MGAT5: variants seen among roughly 807,000 people sequenced by gnomAD.
The protein encoded by MGAT5 is alpha-1,6-mannosylglycoprotein 6-beta-N-acetylglucosaminyltransferase.
MGAT5 carries 30 observed loss-of-function variants against 94.3 expected under a neutral mutation model. The observed-to-expected ratio is 0.32, with a 90% CI of 0.24 to 0.43. The LOEUF (loss-of-function observed/expected upper bound fraction) is 0.43. MGAT5 is among the 20% of genes least tolerant of loss of function. The probability of loss-of-function intolerance (pLI) is 1.00; values close to 1 mark genes in which losing one functional copy is unlikely to be tolerated. For missense variants in MGAT5, 691 were observed against 905.5 expected (o/e 0.76, Z 3.04); for synonymous variants, 310 against 322.9 (o/e 0.96, Z 0.43).
chr2:134,138,745 T>C (rs1463115788), intron 1 of MGAT5, among the ~76,000 whole-genome samples: 8 of 152,140 alleles, frequency 5.3e-5, no homozygotes, highest in African/African-American at 1.2e-4. Context: ...GTGAAACTTA[T>C]GAGGGAAAGT....
chr2:134,260,308 C>T (rs1047055141), intron 1 of MGAT5, among the ~76,000 whole-genome samples: 1 of 152,226 alleles, frequency 6.6e-6, no homozygotes, highest in African/African-American at 2.4e-5. Context: ...GAGGCACACA[C>T]GCCGGTTGGA....
intron 12 of MGAT5, among the ~76,000 whole-genome samples, chr2:134,417,721 G>A (rs937937720): frequency 1.3e-5 from 2 of 152,128 alleles, no homozygotes; most frequent in African/African-American, 4.8e-5. Flanking sequence ...CTCTGTGGTA[G>A]GGGTAGTACT....
chr2:134,321,066 G>A (rs1687284618), intron 4 of MGAT5, among the ~76,000 whole-genome samples: 1 of 152,176 alleles, frequency 6.6e-6, no homozygotes, highest in South Asian at 2.1e-4. Flanking sequence ...AAATTGACTT[G>A]ATAGCATTTA....
chr2:134,340,512 G>A (rs1573858712), intron 6 of MGAT5, among the ~76,000 whole-genome samples: 1 of 152,080 alleles, frequency 6.6e-6, no homozygotes, highest in Non-Finnish European at 1.5e-5. Context: ...ATGTCATAAT[G>A]ATTTTTTAAA....
At chr2:134,278,452 T>G (rs1366278399) in intron 2 of MGAT5, among the ~76,000 whole-genome samples, 2 of 152,186 alleles carry the variant, frequency 1.3e-5, no homozygotes, top group South Asian at 2.1e-4. Flanking sequence ...CATGATCCAG[T>G]CAGAGTGACC....
At chr2:134,177,159 G>GTGTGTGTGTGTGTGTGTGTGTGTA (rs1421525044) in intron 1 of MGAT5, among the ~76,000 whole-genome samples, 1 of 151,970 alleles carries the variant, frequency 6.6e-6, no homozygotes, top group East Asian at 1.9e-4. Context: ...GTGTGTGTGT[G>GTGTGTGTGTGTGTGTGTGTGTGTA]TGTATGTATC....
chr2:134,428,270 T>G, intron 13 of MGAT5, 95 bp from the exon 14 acceptor site: 1 of 1,139,104 alleles, frequency 8.8e-7, no homozygotes, highest in African/African-American at 1.5e-5. Flanking sequence ...CGACTCCTGG[T>G]GTTAGCACCC....
At chr2:134,324,363 CCTTA>C (rs538527176) in intron 4 of MGAT5, among the ~76,000 whole-genome samples, 207 of 152,240 alleles carry the variant, frequency 1.4e-3, no homozygotes, top group Middle Eastern at 6.8e-3. Context: ...CAGTTTCATG[CCTTA>C]CTTGTCAATC....
chr2:134,261,618 A>G (rs747659045), intron 1 of MGAT5, among the ~76,000 whole-genome samples: 1 of 152,192 alleles, frequency 6.6e-6, no homozygotes, highest in African/African-American at 2.4e-5. Context: ...GGAGGGCCCA[A>G]ACCCACTGTT....
chr2:134,326,051 T>TCTCC (rs1687627130), intron 4 of MGAT5, among the ~76,000 whole-genome samples: 1 of 130,198 alleles, frequency 7.7e-6, no homozygotes, highest in Non-Finnish European at 1.5e-5. Flanking sequence ...TCTCTCTCTC[T>TCTCC]CTTTTTTTTT....
intron 1 of MGAT5, among the ~76,000 whole-genome samples, chr2:134,135,148 ACTTTC>A (rs541762436): frequency 2.8e-4 from 42 of 152,258 alleles, no homozygotes; most frequent in African/African-American, 9.9e-4. Context: ...GTCATAAATT[ACTTTC>A]CTTTATTGTC....
At chr2:134,248,831 G>T (rs927123161) in intron 1 of MGAT5, among the ~76,000 whole-genome samples, 1 of 152,156 alleles carries the variant, frequency 6.6e-6, no homozygotes, top group Admixed American at 6.5e-5. Context: ...AGGCCCTTGT[G>T]TCAGAAATAG....
chr2:134,345,058 A>G lies in MGAT5; in HGVS notation c.1106A>G (p.His369Arg), dbSNP rs1325358623. The G allele has an allele frequency of 4.3e-6, 7 of 1,612,576 alleles. No individual in the cohort carries two copies. The African/African-American group carries it at 5.3e-5, about 12-fold the overall frequency. ...FKKTLGPSWV[H>R]YQCMLRVLDS... ...AAAACTCTTGGACCATCCTGGGTTC[A>G]TTACCAGTAAGTGCTACATGGTGTT... is the stretch of plus-strand genomic sequence containing the variant. The change falls in exon 8 of 16, where the codon CAT (histidine) becomes CGT (arginine). Residue 369 changes from histidine to arginine, a missense_variant. By Grantham distance (29) the His-to-Arg change is conservative (BLOSUM62 0). This residue lies in a region of MGAT5 where 121 missense variants were observed against 206.1 expected (regional missense o/e 0.59). Transcript: ENST00000281923.
intron 1 of MGAT5, among the ~76,000 whole-genome samples, chr2:134,216,758 G>A (rs564465702): frequency 1.3e-5 from 2 of 152,308 alleles, no homozygotes; most frequent in Admixed American, 1.3e-4. Context: ...CTACCTCTAG[G>A]GGTGATTATT....
intron 14 of MGAT5, among the ~76,000 whole-genome samples, chr2:134,436,930 G>A (rs770410158): frequency 2.6e-4 from 39 of 152,166 alleles, no homozygotes; most frequent in Admixed American, 7.9e-4. Flanking sequence ...ACATTCCATC[G>A]CCATATCACT....
At chr2:134,385,087 A>C (rs1366549382) in intron 10 of MGAT5, among the ~76,000 whole-genome samples, 2 of 152,188 alleles carry the variant, frequency 1.3e-5, no homozygotes, top group East Asian at 1.9e-4. Context: ...CCTGTAGCTG[A>C]GTAAATGTAT....
chr2:134,232,241 G>A (rs919979193), intron 1 of MGAT5, among the ~76,000 whole-genome samples: 10 of 152,154 alleles, frequency 6.6e-5, no homozygotes, highest in South Asian at 2.1e-4. Context: ...TTTCTCACCC[G>A]GATTTTCATG....
chr2:134,279,842 C>T (rs780132603), intron 2 of MGAT5, among the ~76,000 whole-genome samples: 4 of 152,214 alleles, frequency 2.6e-5, no homozygotes, highest in Non-Finnish European at 5.9e-5. Context: ...ATAGCATATG[C>T]TTCCTCAGAT....
chr2:134,317,522 T>G lies in MGAT5; in HGVS notation c.407-7T>G, dbSNP rs746241603. 1 of 1,550,960 alleles carries G rather than the reference T, an allele frequency of 6.4e-7. No homozygotes were observed. The highest frequency in any genetic ancestry group is 8.7e-7 in the Non-Finnish European group (1 of 1,149,142). On this transcript the variant is annotated splice_region_variant and splice_polypyrimidine_tract_variant and intron_variant, in intron 2 of 15. Transcript: ENST00000281923. ...TTGTATCCTTTGTTGTTTTTCATTC[T>G]TCACAGATATCATTAACGGAGCTCA... is the stretch of plus-strand genomic sequence containing the variant.
Sources: gnomAD v4.1 joint callset for allele counts (sites outside exome capture counted in the v4.1 genomes callset) on GRCh38, gnomAD v4.1.1 for gene constraint, gnomAD v4.1.1 regional missense constraint, MANE v1.5 for transcripts, NCBI Gene and HGNC (gene_info 2026-07-23, HGNC 2026-07-21) for gene names.